TOX3: variants seen among roughly 807,000 people sequenced by gnomAD.
The protein encoded by TOX3 is CAG trinucleotide repeat-containing gene F9 protein.
A neutral mutation model predicts 64.3 loss-of-function variants in TOX3; 22 were observed. The ratio of observed to expected loss-of-function variants is 0.34; its 90% confidence interval spans 0.24 to 0.49. TOX3 has a LOEUF of 0.49. Among genes scored for constraint, TOX3 ranks in the 20% least tolerant of loss-of-function variants. TOX3 has a pLI of 0.99. For synonymous variants in TOX3, 291 were observed against 273.6 expected, an observed-to-expected ratio of 1.06 and a Z score of -0.63; for missense variants, 661 against 714.4, an observed-to-expected ratio of 0.93 and a Z score of 0.85.
chr16:52,485,246 G>GTATATATATATATATATATA (rs34195222), intron 1 of TOX3, among the ~76,000 whole-genome samples: 14 of 127,856 alleles, frequency 1.1e-4, no homozygotes, highest in Middle Eastern at 4.0e-3. Context: ...ATGTGTGTGT[G>GTATATATATATATATATATA]TATATATATA....
At chr16:52,445,338 T>A (rs932426129) in intron 5 of TOX3, 1 of 152,218 alleles carries the variant, frequency 6.6e-6, no homozygotes, top group Non-Finnish European at 1.5e-5. Context: ...CTTCTTTTAA[T>A]GGTAATTGGA....
intron 3 of TOX3, among the ~76,000 whole-genome samples, chr16:52,457,212 G>C (rs1000474997): frequency 6.6e-6 from 1 of 151,970 alleles, no homozygotes; most frequent in Non-Finnish European, 1.5e-5. Flanking sequence ...GTCTTGCTTT[G>C]TTTTGTTTCT....
intron 1 of TOX3, among the ~76,000 whole-genome samples, chr16:52,540,607 G>A (rs747818803): frequency 6.6e-5 from 10 of 152,050 alleles, no homozygotes; most frequent in Admixed American, 2.6e-4. Flanking sequence ...GGGTTGGTAC[G>A]CAACCCATTT....
At chr16:52,466,039 C>G (rs1476913035) in intron 2 of TOX3, among the ~76,000 whole-genome samples, 2 of 152,134 alleles carry the variant, frequency 1.3e-5, no homozygotes, top group African/African-American at 4.8e-5. Flanking sequence ...GAGCATAACC[C>G]TATGGTTGCA....
At chr16:52,475,657 C>T (rs532027605) in intron 1 of TOX3, 18 of 152,294 alleles carry the variant, frequency 1.2e-4, no homozygotes, top group African/African-American at 4.1e-4. Context: ...GAAGAGAGAA[C>T]CAACAGCATA....
intron 6 of TOX3, 125 bp downstream of exon 6, chr16:52,444,151 T>G (rs1191290088): frequency 1.5e-6 from 1 of 654,478 alleles, no homozygotes; most frequent in Non-Finnish European, 2.5e-6. Flanking sequence ...ACGCCTAAGT[T>G]TACAAGTTGT....
chr16:52,517,638 G>C (rs972670659), intron 1 of TOX3, among the ~76,000 whole-genome samples: 1 of 152,054 alleles, frequency 6.6e-6, no homozygotes, highest in African/African-American at 2.4e-5. Flanking sequence ...TACACATTGA[G>C]TATTAAAAAT....
chr16:52,515,967 T>TTC (rs10647102), intron 1 of TOX3, among the ~76,000 whole-genome samples: 1 of 149,602 alleles, frequency 6.7e-6, no homozygotes, highest in Non-Finnish European at 1.5e-5. Context: ...AAATGTGTGC[T>TTC]TGTGTGTGTG....
intron 3 of TOX3, among the ~76,000 whole-genome samples, chr16:52,456,016 G>A (rs1469425761): frequency 6.6e-6 from 1 of 152,164 alleles, no homozygotes; most frequent in Non-Finnish European, 1.5e-5. Context: ...TGGGGCATGG[G>A]CAAACATACT....
At chr16:52,471,572 C>A (rs1480285261) in intron 1 of TOX3, among the ~76,000 whole-genome samples, 1 of 152,162 alleles carries the variant, frequency 6.6e-6, no homozygotes, top group Non-Finnish European at 1.5e-5. Flanking sequence ...TCACTGACAT[C>A]TCTCCCAGAA....
chr16:52,479,521 G>A (rs79604514), intron 1 of TOX3, among the ~76,000 whole-genome samples: 53 of 152,248 alleles, frequency 3.5e-4, no homozygotes, highest in Middle Eastern at 6.8e-3. Flanking sequence ...TCTATTCTGC[G>A]TGTCTTCTCT....
chr16:52,477,733 A>C (rs1006298351), intron 1 of TOX3, among the ~76,000 whole-genome samples: 2 of 152,164 alleles, frequency 1.3e-5, no homozygotes, highest in Non-Finnish European at 2.9e-5. Context: ...CATGTGTTTC[A>C]ATTTTCCCAT....
chr16:52,539,028 C>T (rs1259578192), intron 1 of TOX3, among the ~76,000 whole-genome samples: 2 of 151,924 alleles, frequency 1.3e-5, no homozygotes, highest in African/African-American at 4.8e-5. Context: ...TAAGTATACT[C>T]AACAAAAATC....
chr16:52,437,398 C>A lies in TOX3; in HGVS notation c.*1827G>T, dbSNP rs1959781057. 1 of 152,210 alleles carries A rather than the reference C, an allele frequency of 6.6e-6. No homozygotes were observed. The highest frequency in any genetic ancestry group is 1.5e-5 in the Non-Finnish European group (1 of 68,036). The allele number at this position is 152,210 out of a possible 1,614,324, so 9.4% of individuals were successfully genotyped here. A position where few individuals can be genotyped will look rare whatever the true frequency, so the allele number is the denominator to read the frequency against. ...TTGCACATAGTAGCTGTGGAGCGCA[C>A]CACGCACACCCTCATTCTTTCCAGA... On this transcript the variant is annotated 3_prime_UTR_variant, in exon 7 of 7. Coordinates refer to ENST00000219746, the MANE Select transcript of TOX3 (RefSeq NM_001080430.4).
intron 1 of TOX3, among the ~76,000 whole-genome samples, chr16:52,503,891 T>C (rs1428052959): frequency 6.6e-6 from 1 of 152,140 alleles, no homozygotes; most frequent in Non-Finnish European, 1.5e-5. Flanking sequence ...TTTAAATAAA[T>C]ACATTAAATA....
At chr16:52,461,701 G>A (rs1221481764) in intron 3 of TOX3, among the ~76,000 whole-genome samples, 1 of 152,072 alleles carries the variant, frequency 6.6e-6, no homozygotes, top group Non-Finnish European at 1.5e-5. Context: ...CATAAGGTAT[G>A]AAATATCCAA....
chr16:52,513,534 T>C (rs1438212676), intron 1 of TOX3, among the ~76,000 whole-genome samples: 1 of 152,208 alleles, frequency 6.6e-6, no homozygotes, highest in Non-Finnish European at 1.5e-5. Context: ...TGGGATAATA[T>C]ATGCATAGTT....
At chr16:52,470,233 T>C (rs1168276036) in intron 1 of TOX3, among the ~76,000 whole-genome samples, 1 of 152,252 alleles carries the variant, frequency 6.6e-6, no homozygotes, top group Non-Finnish European at 1.5e-5. Context: ...GAATGAATGA[T>C]GCTAGAGTTA....
At chr16:52,458,615 T>C (rs1307672358) in intron 3 of TOX3, among the ~76,000 whole-genome samples, 2 of 152,152 alleles carry the variant, frequency 1.3e-5, no homozygotes, top group Non-Finnish European at 2.9e-5. Flanking sequence ...AACTAAACAA[T>C]AATCATGTAT....
Sources: allele counts gnomAD v4.1 joint callset (sites outside exome capture counted in the v4.1 genomes callset), GRCh38; gene constraint gnomAD v4.1.1; transcripts MANE v1.5; gene names NCBI Gene and HGNC (gene_info 2026-07-23, HGNC 2026-07-21).